Variants in SHISA9 observed in about 807,000 individuals in gnomAD.
SHISA9 encodes the protein protein shisa-9.
SHISA9 carries 13 observed loss-of-function variants against 38.0 expected under a neutral mutation model. The observed-to-expected ratio is 0.34, with a 90% CI of 0.22 to 0.54. The LOEUF is 0.54. Ranked by LOEUF, SHISA9 falls within the 20% of genes least tolerant of loss-of-function variation. The probability of loss-of-function intolerance (pLI) is 0.91; values close to 1 mark genes in which losing one functional copy is unlikely to be tolerated. For missense variants in SHISA9, 538 were observed against 575.8 expected (o/e 0.93, Z 0.67); for synonymous variants, 275 against 242.0 (o/e 1.14, Z -1.27).
At chr16:13,296,146 G>A in the SHISA9 span, among the ~76,000 whole-genome samples, 181 of 151,776 alleles carry the variant, frequency 1.2e-3, no homozygotes, top group African/African-American at 4.3e-3. Flanking sequence ...TTTATTGAAT[G>A]CAATATTTTC....
chr16:13,337,881 TC>T, the SHISA9 span, among the ~76,000 whole-genome samples: 1 of 152,040 alleles, frequency 6.6e-6, no homozygotes, highest in South Asian at 2.1e-4. Flanking sequence ...TGTGCCTGCT[TC>T]CCCTTTCATT....
chr16:13,548,148 T>C, the SHISA9 span, among the ~76,000 whole-genome samples: 1 of 152,136 alleles, frequency 6.6e-6, no homozygotes, highest in Non-Finnish European at 1.5e-5. Context: ...GATGCTTGAA[T>C]AACTAAATAT....
At chr16:13,356,084 G>A in the SHISA9 span, among the ~76,000 whole-genome samples, 16 of 152,350 alleles carry the variant, frequency 1.1e-4, no homozygotes, top group Non-Finnish European at 2.9e-5. Context: ...TGCGGTTCAG[G>A]CGTTTGGAAG....
intron 2 of SHISA9, among the ~76,000 whole-genome samples, chr16:13,066,791 G>C (rs1384410252): frequency 2.0e-5 from 3 of 152,212 alleles, no homozygotes; most frequent in African/African-American, 7.2e-5. Flanking sequence ...TATATGTAAT[G>C]TCAGTTACAT....
chr16:13,022,475 G>T (rs2072869621), intron 2 of SHISA9, among the ~76,000 whole-genome samples: 1 of 152,064 alleles, frequency 6.6e-6, no homozygotes, highest in Non-Finnish European at 1.5e-5. Context: ...GGGGTTACAG[G>T]CATGTGCCAC....
At chr16:12,902,710 T>TC (rs1191530185) in intron 1 of SHISA9, 83 bp downstream of exon 1, 2 of 1,304,842 alleles carry the variant, frequency 1.5e-6, no homozygotes, top group Non-Finnish European at 2.1e-6. Context: ...GCAATGGCGC[T>TC]CCCCACGGTC....
chr16:13,271,901 G>A, the SHISA9 span, among the ~76,000 whole-genome samples: 1 of 152,112 alleles, frequency 6.6e-6, no homozygotes, highest in Non-Finnish European at 1.5e-5. Flanking sequence ...GAACAACATG[G>A]TGAAACCCCT....
At chr16:13,261,890 T>C in the SHISA9 span, among the ~76,000 whole-genome samples, 1 of 151,948 alleles carries the variant, frequency 6.6e-6, no homozygotes, top group Non-Finnish European at 1.5e-5. Flanking sequence ...TCCTCAGGAG[T>C]CGAAACATCT....
At chr16:13,510,864 G>C in the SHISA9 span, among the ~76,000 whole-genome samples, 2 of 151,872 alleles carry the variant, frequency 1.3e-5, no homozygotes, top group Non-Finnish European at 2.9e-5. Context: ...TGTCATCTAC[G>C]TACTTTAGCT....
intron 2 of SHISA9, among the ~76,000 whole-genome samples, chr16:13,200,184 G>C (rs999242020): frequency 2.6e-5 from 4 of 152,036 alleles, no homozygotes; most frequent in African/African-American, 7.2e-5. Context: ...GCTTCTTCTT[G>C]TTCTCTAACT....
intron 2 of SHISA9, among the ~76,000 whole-genome samples, chr16:13,023,439 T>TTCCA (rs1469825180): frequency 6.6e-6 from 1 of 152,248 alleles, no homozygotes; most frequent in Admixed American, 6.5e-5. Context: ...TTTGGGTTGG[T>TTCCA]TCCAAGTCTT....
At chr16:13,086,289 A>C (rs2073709424) in intron 2 of SHISA9, among the ~76,000 whole-genome samples, 1 of 140,746 alleles carries the variant, frequency 7.1e-6, no homozygotes, top group African/African-American at 2.7e-5. Context: ...CGGGAGGCAG[A>C]GGTTGCAGTG....
intron 2 of SHISA9, among the ~76,000 whole-genome samples, chr16:13,049,859 C>T (rs1179080373): frequency 2.6e-5 from 4 of 152,042 alleles, no homozygotes; most frequent in African/African-American, 9.7e-5. Flanking sequence ...CTGATCCTGC[C>T]TCTCGGTGCA....
chr16:13,326,090 A>G, the SHISA9 span, among the ~76,000 whole-genome samples: 2 of 152,072 alleles, frequency 1.3e-5, no homozygotes, highest in African/African-American at 2.4e-5. Flanking sequence ...AAGAAAGAAA[A>G]AAAAGATGCT....
At chr16:13,100,828 C>T (rs866009205) in intron 2 of SHISA9, among the ~76,000 whole-genome samples, 1 of 152,190 alleles carries the variant, frequency 6.6e-6, no homozygotes, top group Non-Finnish European at 1.5e-5. Flanking sequence ...CTGCCTCAGC[C>T]TCCCAAGTAG....
chr16:13,247,134 A>G, the SHISA9 span, among the ~76,000 whole-genome samples: 1 of 152,070 alleles, frequency 6.6e-6, no homozygotes, highest in Non-Finnish European at 1.5e-5. Flanking sequence ...GTGGCAGGAG[A>G]CAGAGAGTGA....
At chr16:13,449,090 C>T in the SHISA9 span, among the ~76,000 whole-genome samples, 3 of 152,102 alleles carry the variant, frequency 2.0e-5, no homozygotes, top group Non-Finnish European at 4.4e-5. Context: ...CTGAATTCCT[C>T]AATGAAATAT....
chr16:12,912,250 T>C (rs924264669), intron 1 of SHISA9, among the ~76,000 whole-genome samples: 4 of 152,234 alleles, frequency 2.6e-5, no homozygotes, highest in African/African-American at 9.6e-5. Flanking sequence ...ACTCTTCATT[T>C]CTGCCGCACA....
chr16:12,973,395 T>C lies in SHISA9; in HGVS notation c.691+56580T>C, dbSNP rs180675901. Among the ~76,000 whole-genome samples the C allele has an allele frequency of 3.0e-3, 460 of 152,280 alleles. 1 individual carries two copies. Among genetic ancestry groups the C allele is most frequent in the African/African-American group, 0.011 (447 of 41,564 alleles). Reference sequence around the variant, plus strand: ...GTTTCGCTGGAGAGTTCAATTCTAGTGCTGCTTGGGAAGTGATTCTTAACT... The same window carrying C: ...GTTTCGCTGGAGAGTTCAATTCTAGCGCTGCTTGGGAAGTGATTCTTAACT... On this transcript the variant is annotated intron_variant, in intron 2 of 4. Coordinates refer to ENST00000558583, the MANE Select transcript of SHISA9 (RefSeq NM_001145204.3).
Sources: allele counts gnomAD v4.1 joint callset (sites outside exome capture counted in the v4.1 genomes callset), GRCh38; gene constraint gnomAD v4.1.1; transcripts MANE v1.5; gene names NCBI Gene and HGNC (gene_info 2026-07-23, HGNC 2026-07-21).